Variants in TBL1XR1 observed in about 807,000 individuals in gnomAD.
The protein encoded by TBL1XR1 is TBL1X/Y related 1, also known as F-box-like/WD repeat-containing protein TBL1XR1.
TBL1XR1 carries 5 observed loss-of-function variants against 66.9 expected under a neutral mutation model. The observed-to-expected ratio is 0.07, with a 90% CI of 0.04 to 0.16. The LOEUF is 0.16. Ranked by LOEUF, TBL1XR1 falls within the 10% of genes least tolerant of loss-of-function variation. TBL1XR1 has a pLI of 1.00. For synonymous variants in TBL1XR1, 210 were observed against 206.0 expected (o/e 1.02, Z -0.17); for missense variants, 238 against 623.2 (o/e 0.38, Z 6.58).
At chr3:177,064,796 T>C (rs1718947324) in intron 3 of TBL1XR1, 124 bp downstream of exon 3, 4 of 684,138 alleles carry the variant, frequency 5.8e-6, no homozygotes, top group Non-Finnish European at 9.8e-6. Flanking sequence ...AAAATGGCAG[T>C]CCAGACATTA....
chr3:177,190,133 CAAAAAAAAAAAAAAAAAAA>C (rs548783302), intron 1 of TBL1XR1, among the ~76,000 whole-genome samples: 1 of 69,394 alleles, frequency 1.4e-5, no homozygotes, highest in South Asian at 5.5e-4. Flanking sequence ...AACTCCATCT[CAAAAAAAAAAAAAAAAAAA>C]AAAAAAAAAA....
intron 1 of TBL1XR1, among the ~76,000 whole-genome samples, chr3:177,119,057 C>T (rs1461324015): frequency 3.3e-5 from 5 of 152,020 alleles, no homozygotes; most frequent in Non-Finnish European, 7.4e-5. Context: ...CTGTAACCTC[C>T]GCCTCCTACG....
At chr3:177,067,161 T>C (rs1378560578) in intron 2 of TBL1XR1, among the ~76,000 whole-genome samples, 1 of 152,170 alleles carries the variant, frequency 6.6e-6, no homozygotes, top group Non-Finnish European at 1.5e-5. Flanking sequence ...GCATGCTAAA[T>C]TGAATGACTT....
chr3:177,107,745 A>G (rs1434044957), intron 1 of TBL1XR1, among the ~76,000 whole-genome samples: 2 of 152,184 alleles, frequency 1.3e-5, no homozygotes, highest in Non-Finnish European at 2.9e-5. Context: ...TATATTATAT[A>G]TATTTCAATA....
intron 1 of TBL1XR1, among the ~76,000 whole-genome samples, chr3:177,149,804 T>C (rs1310545148): frequency 1.3e-5 from 2 of 152,226 alleles, no homozygotes; most frequent in Non-Finnish European, 2.9e-5. Context: ...ACAGCCGTGC[T>C]TATTCATTTA....
chr3:177,183,622 T>C (rs1178116069), intron 1 of TBL1XR1, among the ~76,000 whole-genome samples: 1 of 151,450 alleles, frequency 6.6e-6, no homozygotes. Flanking sequence ...GTGATTCTCC[T>C]GCCTCAGCCT....
chr3:177,201,431 A>C (rs1001718170), upstream of TBL1XR1, among the ~76,000 whole-genome samples: 5 of 151,728 alleles, frequency 3.3e-5, no homozygotes, highest in Admixed American at 6.6e-5. Context: ...AAAAAAAAAA[A>C]AAAAACAAAT....
intron 2 of TBL1XR1, among the ~76,000 whole-genome samples, chr3:177,069,806 A>AAGGT (rs1719706672): frequency 8.7e-6 from 1 of 115,072 alleles, no homozygotes; most frequent in Non-Finnish European, 1.9e-5. Flanking sequence ...GGAAGGAAGG[A>AAGGT]AGGAAGGAAG....
chr3:177,142,411 C>CT (rs1364760255), intron 1 of TBL1XR1, among the ~76,000 whole-genome samples: 7 of 152,252 alleles, frequency 4.6e-5, no homozygotes, highest in African/African-American at 1.7e-4. Flanking sequence ...AGTGGGGTAA[C>CT]GTCTAGGTTG....
intron 1 of TBL1XR1, among the ~76,000 whole-genome samples, chr3:177,103,368 TTG>T (rs1209389163): frequency 6.6e-6 from 1 of 152,220 alleles, no homozygotes; most frequent in Non-Finnish European, 1.5e-5. Flanking sequence ...GCTGTAAGGT[TTG>T]TGTTTTGTCT....
chr3:177,176,709 G>A (rs1367159356), intron 1 of TBL1XR1, among the ~76,000 whole-genome samples: 2 of 152,000 alleles, frequency 1.3e-5, no homozygotes, highest in East Asian at 2.0e-4. Flanking sequence ...CACCTATTCA[G>A]GAGGCTGAGG....
rs559993946 is a variant in TBL1XR1, at chr3:177,107,710, C to T, written c.-121-9169G>A. On this transcript the variant is annotated intron_variant, in intron 1 of 15. Coordinates refer to ENST00000457928, the MANE Select transcript of TBL1XR1 (RefSeq NM_024665.7). ...GATACACCATCCGGGGATCATGAAA[C>T]GAAACTACCTTTCTTAAGATCTCAT... Among the ~76,000 whole-genome samples, 7 of 152,206 alleles carry T rather than the reference C, an allele frequency of 4.6e-5. No individual in the cohort carries two copies. In the South Asian group the frequency reaches 6.2e-4, roughly 14 times the overall value.
chr3:177,181,495 G>A (rs1295653063), intron 1 of TBL1XR1, among the ~76,000 whole-genome samples: 2 of 125,552 alleles, frequency 1.6e-5, no homozygotes, highest in South Asian at 2.8e-4. Context: ...AAAAAAAAAA[G>A]AACGCCTCTG....
At chr3:177,134,861 C>G (rs758596996) in intron 1 of TBL1XR1, among the ~76,000 whole-genome samples, 67 of 152,022 alleles carry the variant, frequency 4.4e-4, no homozygotes, top group African/African-American at 1.3e-3. Context: ...ACTTAATAAA[C>G]TAACGGGTAT....
At chr3:177,057,277 G>T (rs982310717) in intron 3 of TBL1XR1, among the ~76,000 whole-genome samples, 3 of 152,128 alleles carry the variant, frequency 2.0e-5, no homozygotes, top group Admixed American at 6.5e-5. Context: ...GGGCTAACCA[G>T]TCTCTCCTAC....
At chr3:177,197,637 G>A (rs1026788715), upstream of TBL1XR1, among the ~76,000 whole-genome samples, 1 of 140,666 alleles carries the variant, frequency 7.1e-6, no homozygotes, top group African/African-American at 2.6e-5. Flanking sequence ...CGGGCGAGCG[G>A]GCGGGCGGGC....
intron 1 of TBL1XR1, among the ~76,000 whole-genome samples, chr3:177,157,221 G>T (rs1415516359): frequency 6.6e-6 from 1 of 151,466 alleles, no homozygotes; most frequent in Non-Finnish European, 1.5e-5. Flanking sequence ...AAAACAAAAA[G>T]AAAAAAAAAT....
intron 7 of TBL1XR1, among the ~76,000 whole-genome samples, chr3:177,049,113 C>T (rs1362360205): frequency 6.6e-6 from 1 of 152,102 alleles, no homozygotes; most frequent in African/African-American, 2.4e-5. Flanking sequence ...GCTATGATTT[C>T]TGAAAAAACA....
chr3:177,141,798 G>A (rs938951222), intron 1 of TBL1XR1, among the ~76,000 whole-genome samples: 3 of 152,158 alleles, frequency 2.0e-5, no homozygotes, highest in African/African-American at 7.2e-5. Context: ...GCCGAAAGTC[G>A]GGAGCAACCA....
Sources: allele counts gnomAD v4.1 joint callset (sites outside exome capture counted in the v4.1 genomes callset), GRCh38; gene constraint gnomAD v4.1.1; transcripts MANE v1.5; gene names NCBI Gene and HGNC (gene_info 2026-07-23, HGNC 2026-07-21).